The following LYRM4 variants were observed in gnomAD, a reference collection of about 807,000 sequenced individuals.
The protein encoded by LYRM4 is LYR motif containing 4, also known as LYR motif-containing protein 4.
A neutral mutation model predicts 11.7 loss-of-function variants in LYRM4; 9 were observed. That is an observed-to-expected ratio of 0.77 (90% CI 0.46 to 1.34). The LOEUF (loss-of-function observed/expected upper bound fraction) is 1.34. Among genes scored for constraint, LYRM4 ranks in the 40% most tolerant of loss-of-function variants. The pLI is 0.00. For synonymous variants in LYRM4, 42 were observed against 40.4 expected, an observed-to-expected ratio of 1.04 and a Z score of -0.15; for missense variants, 133 against 112.5, an observed-to-expected ratio of 1.18 and a Z score of -0.82.
chr6:5,258,699 AT>A (rs1398531760), intron 1 of LYRM4, among the ~76,000 whole-genome samples: 1 of 152,248 alleles, frequency 6.6e-6, no homozygotes, highest in Non-Finnish European at 1.5e-5. Flanking sequence ...GTATAAAATG[AT>A]TATCAGATTC....
At chr6:5,222,175 T>A (rs569187141) in intron 1 of LYRM4, among the ~76,000 whole-genome samples, 3 of 152,334 alleles carry the variant, frequency 2.0e-5, no homozygotes, top group Admixed American at 2.0e-4. Flanking sequence ...GGCTCACCAC[T>A]GTATGTGTCT....
the LYRM4 span, among the ~76,000 whole-genome samples, chr6:5,059,487 G>A: frequency 6.9e-4 from 105 of 151,734 alleles, no homozygotes; most frequent in African/African-American, 2.3e-3. Context: ...TTTCATATCC[G>A]CCCAAGAACA....
chr6:5,036,497 G>A, the LYRM4 span, among the ~76,000 whole-genome samples: 1 of 152,196 alleles, frequency 6.6e-6, no homozygotes, highest in African/African-American at 2.4e-5. Flanking sequence ...AGCTGGGGCT[G>A]CTGTCATAGA....
intron 1 of LYRM4, among the ~76,000 whole-genome samples, chr6:5,258,822 C>T (rs1764800343): frequency 6.6e-6 from 1 of 152,212 alleles, no homozygotes; most frequent in African/African-American, 2.4e-5. Flanking sequence ...GTTGCCCATA[C>T]TGAAACCCAT....
intron 2 of LYRM4, among the ~76,000 whole-genome samples, chr6:5,119,392 CTCAGGTG>C (rs1043083344): frequency 7.9e-5 from 12 of 152,188 alleles, no homozygotes; most frequent in Admixed American, 6.5e-5. Flanking sequence ...CTTGTTCATT[CTCAGGTG>C]TCTGCCTCAA....
chr6:5,053,639 A>G, the LYRM4 span, among the ~76,000 whole-genome samples: 1 of 151,872 alleles, frequency 6.6e-6, no homozygotes, highest in South Asian at 2.1e-4. Context: ...TGCAAAAAAA[A>G]AAAGAAAGAA....
intron 1 of LYRM4, among the ~76,000 whole-genome samples, chr6:5,249,656 G>A (rs1001291783): frequency 5.3e-5 from 8 of 152,130 alleles, no homozygotes; most frequent in Non-Finnish European, 1.2e-4. Flanking sequence ...CACAGATCCC[G>A]ACAACAGCCA....
rs551722555 is a variant in LYRM4 at position 5,129,192 on chromosome 6, G to A, written c.208-19701C>T. On this transcript the variant is annotated intron_variant, in intron 2 of 2. Coordinates refer to ENST00000330636, the MANE Select transcript of LYRM4 (RefSeq NM_020408.6). The stretch of plus-strand genomic sequence containing the variant: ...GGGAATATGGGAAATAGTGGCATTG[G>A]GCTCGCGGGCTGCCCTGAGACAACC... Among the ~76,000 whole-genome samples the A allele has an allele frequency of 5.9e-5, 9 of 152,266 alleles. No individual in the cohort carries two copies. In the South Asian group the frequency reaches 1.7e-3, roughly 28 times the overall value.
downstream of LYRM4, chr6:5,105,640 C>A (rs1327093096): frequency 6.6e-6 from 1 of 152,314 alleles, no homozygotes; most frequent in East Asian, 1.9e-4. Flanking sequence ...TGGCGAAATC[C>A]TGTGTCTACT....
the LYRM4 span, among the ~76,000 whole-genome samples, chr6:5,055,071 A>G: frequency 6.6e-6 from 1 of 152,172 alleles, no homozygotes; most frequent in Non-Finnish European, 1.5e-5. This position sits in a 1 kb window ranked among gnomAD's most constrained non-coding sequence, Gnocchi z 4.5. Context: ...CTTCATCTAC[A>G]TGACAAGAAC....
intron 1 of LYRM4, among the ~76,000 whole-genome samples, chr6:5,231,612 C>T (rs575053601): frequency 6.6e-6 from 1 of 152,276 alleles, no homozygotes; most frequent in Admixed American, 6.5e-5. Flanking sequence ...CTTTAATTTT[C>T]CCTGTTGCAG....
At chr6:5,086,538 C>T in the LYRM4 span, 13 of 1,529,344 alleles carry the variant, frequency 8.5e-6, no homozygotes, top group African/African-American at 6.9e-5. Flanking sequence ...CGCTGCGCTA[C>T]GCGCGCCCTG....
the LYRM4 span, among the ~76,000 whole-genome samples, chr6:5,041,457 G>C: frequency 6.6e-6 from 1 of 152,202 alleles, no homozygotes; most frequent in African/African-American, 2.4e-5. Context: ...AAATGAACCT[G>C]TTAAATGCTG....
chr6:5,140,121 G>T (rs980393691), intron 2 of LYRM4, among the ~76,000 whole-genome samples: 1 of 151,416 alleles, frequency 6.6e-6, no homozygotes, highest in Non-Finnish European at 1.5e-5. Flanking sequence ...CCAGCTACTT[G>T]GGAGGCTTAG....
intron 2 of LYRM4, among the ~76,000 whole-genome samples, chr6:5,198,825 G>C (rs1049753989): frequency 6.6e-6 from 1 of 152,108 alleles, no homozygotes; most frequent in East Asian, 1.9e-4. Flanking sequence ...ATCTAGATCT[G>C]GTTGTTTCAT....
the LYRM4 span, among the ~76,000 whole-genome samples, chr6:5,043,712 C>T: frequency 6.6e-6 from 1 of 152,134 alleles, no homozygotes; most frequent in Non-Finnish European, 1.5e-5. Flanking sequence ...CCTCCTCCTC[C>T]CAGGGGCGCA....
the LYRM4 span, among the ~76,000 whole-genome samples, chr6:5,067,603 G>T: frequency 1.3e-5 from 2 of 152,204 alleles, no homozygotes; most frequent in Non-Finnish European, 2.9e-5. Context: ...GCAGCCTCCT[G>T]TTGGTTACAT....
chr6:5,132,230 T>C (rs975388785), intron 2 of LYRM4, among the ~76,000 whole-genome samples: 39 of 152,362 alleles, frequency 2.6e-4, no homozygotes, highest in African/African-American at 9.4e-4. Context: ...TTACATGCTT[T>C]ACTTAGTTTC....
At chr6:5,039,200 AC>A in the LYRM4 span, among the ~76,000 whole-genome samples, 4 of 152,196 alleles carry the variant, frequency 2.6e-5, no homozygotes, top group African/African-American at 4.8e-5. Flanking sequence ...TATGAAGCTT[AC>A]CGGAAGCCAC....
Sources: allele counts gnomAD v4.1 joint callset (sites outside exome capture counted in the v4.1 genomes callset), GRCh38; gene constraint gnomAD v4.1.1; non-coding constraint Gnocchi (gnomAD v3.1); transcripts MANE v1.5; gene names NCBI Gene and HGNC (gene_info 2026-07-23, HGNC 2026-07-21).